Variants in ADGRV1 observed in about 807,000 individuals in gnomAD.
ADGRV1 encodes the protein G-protein coupled receptor 98.
Under a neutral mutation model 596.2 loss-of-function variants are expected in ADGRV1, and 359 were observed. The observed-to-expected ratio is 0.60, with a 90% CI of 0.55 to 0.66. ADGRV1 has a LOEUF of 0.66. Ranked by LOEUF, ADGRV1 falls within the 30% of genes least tolerant of loss-of-function variation. The probability of loss-of-function intolerance (pLI) is 0.00; values close to 1 mark genes in which losing one functional copy is unlikely to be tolerated. For missense variants in ADGRV1, 7,274 were observed against 7,575.6 expected (o/e 0.96, Z 1.48); for synonymous variants, 2,681 against 2,679.2 (o/e 1.00, Z -0.02).
At chr5:90,866,558 A>G (rs935332886) in intron 83 of ADGRV1, among the ~76,000 whole-genome samples, 4 of 151,960 alleles carry the variant, frequency 2.6e-5, no homozygotes, top group African/African-American at 7.2e-5. Context: ...AACTTGAGAG[A>G]TGCTTTCATA....
At chr5:90,796,420 A>G (rs1179488374) in intron 70 of ADGRV1, among the ~76,000 whole-genome samples, 1 of 149,622 alleles carries the variant, frequency 6.7e-6, no homozygotes, top group African/African-American at 2.6e-5. Flanking sequence ...AGAAGACGAG[A>G]TTAGAGAAAA....
chr5:90,629,587 T>C, intron 9 of ADGRV1, 48 bp downstream of exon 9: 4 of 1,254,252 alleles, frequency 3.2e-6, no homozygotes, highest in Non-Finnish European at 4.5e-6. Flanking sequence ...CCTTCAAGTG[T>C]ACTAACCTGT....
intron 70 of ADGRV1, among the ~76,000 whole-genome samples, chr5:90,794,066 T>C (rs1269432877): frequency 6.6e-6 from 1 of 152,170 alleles, no homozygotes; most frequent in African/African-American, 2.4e-5. Context: ...TCTTTGAAGA[T>C]TGGGATATTA....
chr5:90,770,312 T>C (rs987595828), intron 59 of ADGRV1, among the ~76,000 whole-genome samples: 36 of 152,096 alleles, frequency 2.4e-4, no homozygotes, highest in African/African-American at 8.0e-4. Flanking sequence ...CCCACCCCCA[T>C]GATTCAACAC....
intron 87 of ADGRV1, among the ~76,000 whole-genome samples, chr5:91,107,321 C>T (rs1392153089): frequency 6.6e-6 from 1 of 152,096 alleles, no homozygotes; most frequent in Non-Finnish European, 1.5e-5. Flanking sequence ...AAATTGACAT[C>T]TGGAGGAAAG....
intron 79 of ADGRV1, among the ~76,000 whole-genome samples, chr5:90,849,815 A>G (rs184803063): frequency 1.1e-3 from 170 of 152,364 alleles, no homozygotes; most frequent in African/African-American, 3.9e-3. Context: ...TACCTCTGCT[A>G]TAGTCCTGAC....
At chr5:90,760,499 A>G (rs1229412863) in intron 58 of ADGRV1, among the ~76,000 whole-genome samples, 1 of 152,162 alleles carries the variant, frequency 6.6e-6, no homozygotes, top group African/African-American at 2.4e-5. Context: ...CATACCACCT[A>G]TTCTCTGCCT....
At position 90,776,548 on chromosome 5, in the gene ADGRV1, G is replaced by A; in HGVS notation, c.12499G>A (p.Ala4167Thr). The A allele has an allele frequency of 1.2e-6, 2 of 1,613,346 alleles. No homozygotes were observed. Among genetic ancestry groups the A allele is most frequent in the Non-Finnish European group, 1.7e-6 (2 of 1,179,484 alleles). The change falls in exon 61 of 90, where the codon GCA becomes ACA. Residue 4167 changes from alanine (A) to threonine (T), a missense_variant. Around this residue, in one of 5 missense-constraint regions of ADGRV1, gnomAD observed 3,643 missense variants for 3,809.2 expected, o/e 0.96. Transcript: ENST00000405460. ...SRHILIGEPSAKYNGTAIISL... is the reference protein window; with the variant it reads ...SRHILIGEPSTKYNGTAIISL... ...GCACATCCTCATTGGGGAACCCTCA[G>A]CAAAATATAATGGTACCGCTATTAT... is the stretch of plus-strand genomic sequence containing the variant.
intron 1 of ADGRV1, among the ~76,000 whole-genome samples, chr5:90,559,598 T>C (rs1197610505): frequency 2.0e-5 from 3 of 152,202 alleles, no homozygotes; most frequent in Non-Finnish European, 4.4e-5. Context: ...TGTTAACTTA[T>C]CCTATGTAAC....
intron 48 of ADGRV1, among the ~76,000 whole-genome samples, chr5:90,725,919 A>G (rs1031885748): frequency 6.6e-6 from 1 of 152,238 alleles, no homozygotes; most frequent in African/African-American, 2.4e-5. Flanking sequence ...ATTGCAAAAC[A>G]TTGTGGAGAA....
chr5:90,656,472 C>A (rs1045505737), intron 20 of ADGRV1, among the ~76,000 whole-genome samples: 5 of 152,112 alleles, frequency 3.3e-5, no homozygotes, highest in Admixed American at 2.6e-4. Flanking sequence ...ACAGTGAGAA[C>A]CATGATGTGG....
chr5:90,813,706 C>T (rs1762659539), intron 74 of ADGRV1, among the ~76,000 whole-genome samples: 1 of 152,164 alleles, frequency 6.6e-6, no homozygotes. Context: ...ACCTTAAGTT[C>T]CTTTACCTGC....
intron 52 of ADGRV1, among the ~76,000 whole-genome samples, chr5:90,747,624 A>T (rs189494312): frequency 6.6e-6 from 1 of 152,154 alleles, no homozygotes; most frequent in Admixed American, 6.5e-5. Flanking sequence ...CTAGGGACTC[A>T]GTGCCCAGGA....
rs984065212 is a variant in ADGRV1, at chr5:90,807,176, G to A, written c.14837-426G>A. 1.9e-4 allele frequency among the ~76,000 whole-genome samples: 29 copies of A among 152,078 alleles called. 1 individual carries two copies. Among genetic ancestry groups the A allele is most frequent in the African/African-American group, 7.0e-4 (29 of 41,424 alleles). On this transcript the variant is annotated intron_variant, in intron 72 of 89. Coordinates refer to ENST00000405460, the MANE Select transcript of ADGRV1 (RefSeq NM_032119.4). Reference sequence around the variant, plus strand: ...TTGACTAGATTTAATAGTTGTTACAGTCTGCTATATTTGTGACATTTTTTC... The same window carrying A: ...TTGACTAGATTTAATAGTTGTTACAATCTGCTATATTTGTGACATTTTTTC...
At chr5:90,591,114 G>T (rs1194231904) in intron 1 of ADGRV1, among the ~76,000 whole-genome samples, 4 of 152,168 alleles carry the variant, frequency 2.6e-5, no homozygotes. Context: ...TAATGAGGCT[G>T]AGCATGATGG....
At chr5:91,033,191 G>GT (rs1226078860) in intron 85 of ADGRV1, among the ~76,000 whole-genome samples, 1 of 151,920 alleles carries the variant, frequency 6.6e-6, no homozygotes, top group African/African-American at 2.4e-5. Flanking sequence ...AATTTGTATG[G>GT]TTTTTAAAAT....
At chr5:90,649,752 G>A (rs1768322286) in intron 17 of ADGRV1, among the ~76,000 whole-genome samples, 1 of 152,222 alleles carries the variant, frequency 6.6e-6, no homozygotes, top group African/African-American at 2.4e-5. Flanking sequence ...GCCCCCCAGG[G>A]TGCTGGGATT....
chr5:90,787,605 T>TG (rs1759599498), intron 67 of ADGRV1, among the ~76,000 whole-genome samples: 1 of 149,374 alleles, frequency 6.7e-6, no homozygotes, highest in Non-Finnish European at 1.5e-5. Context: ...TTTTTTTTTT[T>TG]TTTGAGATGG....
rs1041092641 is a variant in ADGRV1 at position 90,770,051 on chromosome 5, A to G, written c.12286-4135A>G. On this transcript the variant is annotated intron_variant, in intron 59 of 89. Coordinates refer to ENST00000405460, the MANE Select transcript of ADGRV1 (RefSeq NM_032119.4). ...TCAGGAAATGGGTCTTACCCCCAGTATTAGTTTGTTCTCACACTGCTAATA... is the reference window on the plus strand; with the variant it reads ...TCAGGAAATGGGTCTTACCCCCAGTGTTAGTTTGTTCTCACACTGCTAATA... 5.9e-5 allele frequency among the ~76,000 whole-genome samples: 9 copies of G among 152,294 alleles called. No individual in the cohort carries two copies. The East Asian group carries it at 1.7e-3, about 29-fold the overall frequency.
Sources: allele counts gnomAD v4.1 joint callset (sites outside exome capture counted in the v4.1 genomes callset), GRCh38; gene constraint gnomAD v4.1.1; regional missense constraint gnomAD v4.1.1; transcripts MANE v1.5; gene names NCBI Gene and HGNC (gene_info 2026-07-23, HGNC 2026-07-21).